The following OCA2 variants were observed in gnomAD, a reference collection of about 807,000 sequenced individuals.
OCA2 encodes P protein.
In OCA2, 77 loss-of-function variants were observed where a neutral mutation model predicts 100.2. The observed-to-expected ratio is 0.77, with a 90% confidence interval of 0.64 to 0.93. The LOEUF (loss-of-function observed/expected upper bound fraction) is 0.93, where lower values mean the gene tolerates loss of function less well. Among genes scored for constraint, OCA2 ranks in the 40% least tolerant of loss-of-function variants. OCA2 has a pLI of 0.00. For missense variants in OCA2, 1,062 were observed against 1,089.1 expected (o/e 0.98, Z 0.35); for synonymous variants, 432 against 439.2 (o/e 0.98, Z 0.21).
At chr15:27,905,374 C>T (rs952392539) in intron 19 of OCA2, among the ~76,000 whole-genome samples, 30 of 152,264 alleles carry the variant, frequency 2.0e-4, no homozygotes, top group African/African-American at 7.0e-4. Context: ...GAAAATACCA[C>T]CAAACCCCCA....
chr15:27,813,466 G>A (rs942561842), intron 23 of OCA2, among the ~76,000 whole-genome samples: 4 of 152,106 alleles, frequency 2.6e-5, no homozygotes, highest in African/African-American at 4.8e-5. Context: ...AGGGAAGAGT[G>A]GCCTTAGCCA....
At chr15:27,736,303 T>A in the OCA2 span, among the ~76,000 whole-genome samples, 2 of 144,658 alleles carry the variant, frequency 1.4e-5, no homozygotes, top group Non-Finnish European at 3.1e-5. Flanking sequence ...ATATAAAAGT[T>A]GGACAAAATA....
intron 23 of OCA2, among the ~76,000 whole-genome samples, chr15:27,840,058 A>G (rs1176029387): frequency 2.0e-5 from 3 of 152,170 alleles, no homozygotes; most frequent in Non-Finnish European, 4.4e-5. Flanking sequence ...ATTAAACTCC[A>G]TGGAATACAT....
At chr15:27,894,762 A>T (rs1386604754) in intron 19 of OCA2, among the ~76,000 whole-genome samples, 1 of 152,050 alleles carries the variant, frequency 6.6e-6, no homozygotes, top group Non-Finnish European at 1.5e-5. Flanking sequence ...CTTTCATCCA[A>T]ATGATGTGTG....
chr15:27,721,097 CTTGTG>C, the OCA2 span, among the ~76,000 whole-genome samples: 14 of 152,180 alleles, frequency 9.2e-5, 1 homozygote, highest in Non-Finnish European at 5.9e-5. Context: ...ACTTTAAATA[CTTGTG>C]TTGTGCTCTT....
intron 19 of OCA2, among the ~76,000 whole-genome samples, chr15:27,894,915 T>C (rs1042950937): frequency 6.6e-6 from 1 of 152,224 alleles, no homozygotes; most frequent in Non-Finnish European, 1.5e-5. Context: ...ACCTAGATGA[T>C]GTAACTCTCA....
chr15:27,821,776 TATGCACCC>T (rs1169556419), intron 23 of OCA2, among the ~76,000 whole-genome samples: 3 of 152,120 alleles, frequency 2.0e-5, no homozygotes, highest in African/African-American at 7.2e-5. Context: ...CATTTGTCTA[TATGCACCC>T]ATGCACACTA....
At chr15:27,880,566 T>C (rs971587420) in intron 19 of OCA2, among the ~76,000 whole-genome samples, 2 of 152,208 alleles carry the variant, frequency 1.3e-5, no homozygotes, top group African/African-American at 4.8e-5. Context: ...CTTAAAGAAG[T>C]CCTTCACTTC....
chr15:27,828,396 CTCCTCATGGG>C (rs984705277), intron 23 of OCA2, among the ~76,000 whole-genome samples: 11 of 152,198 alleles, frequency 7.2e-5, no homozygotes, highest in African/African-American at 2.7e-4. Flanking sequence ...AGGGCAGGGG[CTCCTCATGGG>C]TCCTCACTCA....
chr15:28,000,718 A>C (rs1685314483), intron 9 of OCA2, among the ~76,000 whole-genome samples: 2 of 152,192 alleles, frequency 1.3e-5, no homozygotes, highest in Admixed American at 1.3e-4. Context: ...TATACCTAAT[A>C]AGGGGTTAAT....
chr15:27,898,691 CTTGGGCTTTAT>C (rs1438725631), intron 19 of OCA2, among the ~76,000 whole-genome samples: 4 of 152,276 alleles, frequency 2.6e-5, no homozygotes, highest in Non-Finnish European at 5.9e-5. Flanking sequence ...GCAAAAAATA[CTTGGGCTTTAT>C]TTGGGCCCCA....
chr15:28,043,878 C>A lies in OCA2; in HGVS notation c.228-11715G>T, dbSNP rs1385816522. Reference sequence around the variant, plus strand: ...CTTTTCAAGGAAGAAAGATAAGATTCTTCATGTTAATGAATGATGTGCAGG... The same window carrying A: ...CTTTTCAAGGAAGAAAGATAAGATTATTCATGTTAATGAATGATGTGCAGG... On this transcript the variant is annotated intron_variant, in intron 2 of 23. Coordinates refer to ENST00000354638, the MANE Select transcript of OCA2 (RefSeq NM_000275.3). This position sits in a 1 kb window ranked among gnomAD's most constrained non-coding sequence, Gnocchi z 4.4. Among the ~76,000 whole-genome samples the A allele has an allele frequency of 6.6e-6, 1 of 152,172 alleles. No homozygotes were observed. Among genetic ancestry groups the A allele is most frequent in the East Asian group, 1.9e-4 (1 of 5,194 alleles).
At chr15:28,024,986 ACTT>A in intron 4 of OCA2, 84 bp from the exon 5 acceptor site, 1 of 1,233,050 alleles carries the variant, frequency 8.1e-7, no homozygotes, top group South Asian at 1.2e-5. Context: ...GCCTTGAGTA[ACTT>A]CCATCTCAAA....
chr15:27,958,728 G>T (rs1285404681), intron 15 of OCA2, among the ~76,000 whole-genome samples: 1 of 152,098 alleles, frequency 6.6e-6, no homozygotes, highest in Non-Finnish European at 1.5e-5. Context: ...CATTACATAT[G>T]TTTCTCAAAA....
At chr15:27,951,549 G>A in intron 18 of OCA2, among the ~76,000 whole-genome samples, 1 of 152,180 alleles carries the variant, frequency 6.6e-6, no homozygotes, top group East Asian at 1.9e-4. Flanking sequence ...GAGGACCCAT[G>A]GCACAGAGTC....
chr15:27,774,351 G>C (rs2032064909), intron 23 of OCA2, among the ~76,000 whole-genome samples: 1 of 152,180 alleles, frequency 6.6e-6, no homozygotes, highest in Non-Finnish European at 1.5e-5. Flanking sequence ...AGGCCTTCAG[G>C]CCCCCCGCGT....
intron 14 of OCA2, among the ~76,000 whole-genome samples, chr15:27,982,210 T>TAA (rs1432148510): frequency 6.6e-6 from 1 of 152,238 alleles, no homozygotes; most frequent in Non-Finnish European, 1.5e-5. Flanking sequence ...ACCAAAATAT[T>TAA]AAAAGAATTT....
In OCA2 at chr15:27,821,960, C is replaced by T. The variant is rs151055257; in HGVS notation, c.2432+22999G>A. Among the ~76,000 whole-genome samples, 85 of 152,298 alleles carry T rather than the reference C, an allele frequency of 5.6e-4. 2 individuals are homozygous for T. Among genetic ancestry groups the T allele is most frequent in the African/African-American group, 2.0e-3 (82 of 41,560 alleles). Reference sequence around the variant, plus strand: ...CTGGCAACTTAACTCTCTGTTATAGCATGAAAGTAGCTATGGATAATACAT... The same window carrying T: ...CTGGCAACTTAACTCTCTGTTATAGTATGAAAGTAGCTATGGATAATACAT... On this transcript the variant is annotated intron_variant, in intron 23 of 23. Coordinates refer to ENST00000354638, the MANE Select transcript of OCA2 (RefSeq NM_000275.3).
At chr15:27,857,758 G>C (rs1368764840) in intron 21 of OCA2, among the ~76,000 whole-genome samples, 1 of 152,048 alleles carries the variant, frequency 6.6e-6, no homozygotes, top group Non-Finnish European at 1.5e-5. Context: ...TGGAGAGAAA[G>C]AGACAGGAAA....
Sources: allele counts gnomAD v4.1 joint callset (sites outside exome capture counted in the v4.1 genomes callset), GRCh38; gene constraint gnomAD v4.1.1; non-coding constraint Gnocchi (gnomAD v3.1); transcripts MANE v1.5; gene names NCBI Gene and HGNC (gene_info 2026-07-23, HGNC 2026-07-21).